Variants in LRIG1 observed in about 807,000 individuals in gnomAD.
LRIG1 encodes the protein leucine rich repeats and immunoglobulin like domains 1, also known as leucine-rich repeats and immunoglobulin-like domains protein 1.
Under a neutral mutation model 99.2 loss-of-function variants are expected in LRIG1, and 48 were observed. That is an observed-to-expected ratio of 0.48 (90% CI 0.38 to 0.62). The LOEUF (loss-of-function observed/expected upper bound fraction) is 0.62. Among genes scored for constraint, LRIG1 ranks in the 20% least tolerant of loss-of-function variants. The probability of loss-of-function intolerance (pLI) is 0.00; values close to 1 mark genes in which losing one functional copy is unlikely to be tolerated. For synonymous variants in LRIG1, 772 were observed against 596.1 expected (o/e 1.29, Z -4.30); for missense variants, 1,646 against 1,434.4 (o/e 1.15, Z -2.38).
intron 3 of LRIG1, among the ~76,000 whole-genome samples, chr3:66,448,499 C>T (rs1021570728): frequency 2.0e-5 from 3 of 152,152 alleles, no homozygotes; most frequent in African/African-American, 7.2e-5. Context: ...ATTATTGCCC[C>T]TACTCTCAAC....
At chr3:66,383,514 T>G in intron 14 of LRIG1, 113 bp from the exon 15 acceptor site, 1 of 954,078 alleles carries the variant, frequency 1.0e-6, no homozygotes, top group Non-Finnish European at 1.5e-6. Context: ...CATCTGAGAT[T>G]CTGTCTCAGA....
intron 1 of LRIG1, among the ~76,000 whole-genome samples, chr3:66,467,005 T>C (rs574501922): frequency 6.6e-5 from 10 of 152,246 alleles, no homozygotes; most frequent in Admixed American, 5.2e-4. Context: ...AGCCCAGCAA[T>C]AGATGTTCTT....
chr3:66,476,981 G>A (rs73836304), intron 1 of LRIG1, among the ~76,000 whole-genome samples: 1 of 152,168 alleles, frequency 6.6e-6, no homozygotes, highest in Non-Finnish European at 1.5e-5. Flanking sequence ...GGTCTGTGAG[G>A]AGCAGGCATT....
intron 1 of LRIG1, among the ~76,000 whole-genome samples, chr3:66,465,357 A>ATTTTTTTTTTTTTTTTTTTTTTTTTTTT (rs59148647): frequency 3.0e-5 from 2 of 67,728 alleles, no homozygotes; most frequent in Non-Finnish European, 3.0e-5. Flanking sequence ...TCTGAGCATA[A>ATTTTTTTTTTTTTTTTTTTTTTTTTTTT]TTTTTTTTTT....
intron 2 of LRIG1, among the ~76,000 whole-genome samples, chr3:66,457,708 G>A (rs11717516): frequency 0.33 from 50,928 of 152,102 alleles, 10,119 homozygotes; most frequent in Middle Eastern, 0.47. Flanking sequence ...CAGGACCCTA[G>A]TAAGGGGCAG....
intron 1 of LRIG1, among the ~76,000 whole-genome samples, chr3:66,492,378 C>T (rs1701120510): frequency 1.3e-5 from 2 of 152,130 alleles, no homozygotes; most frequent in African/African-American, 4.8e-5. Context: ...CTGTTAAATG[C>T]TGCATAAAGG....
chr3:66,443,179 T>C (rs1316766334), intron 3 of LRIG1, among the ~76,000 whole-genome samples: 2 of 152,028 alleles, frequency 1.3e-5, no homozygotes, highest in African/African-American at 2.4e-5. Flanking sequence ...ATTTTCTATT[T>C]TGAGGCTCCT....
chr3:66,379,631 G>C lies in LRIG1; in HGVS notation c.*632C>G, dbSNP rs1472808100. 6.6e-6 allele frequency: 1 copy of C among 152,200 alleles called. No homozygotes were observed. The allele number at this position is 152,200 out of a possible 1,614,324, so 9.4% of individuals were successfully genotyped here. On this transcript the variant is annotated 3_prime_UTR_variant, in exon 19 of 19. Coordinates refer to ENST00000273261, the MANE Select transcript of LRIG1 (RefSeq NM_015541.3). ...AGACAGACAGGACTTAAACCTAAAA[G>C]GAAAAGCCATTCACTGCAAGTGTGG...
chr3:66,495,472 T>C (rs1701205072), intron 1 of LRIG1, among the ~76,000 whole-genome samples: 1 of 152,198 alleles, frequency 6.6e-6, no homozygotes, highest in South Asian at 2.1e-4. Context: ...TCAAAAGGAA[T>C]TGAAAGTTAG....
Position 66,380,214 on chromosome 3 carries a change from C to G in LRIG1, c.*49G>C. ...CAAGCTTCCTCGCAGCCTCTCCTAC[C>G]TCTCTTTCCCGTAGAGATTGGTATG... On this transcript the variant is annotated 3_prime_UTR_variant, in exon 19 of 19. Transcript: ENST00000273261. The G allele has an allele frequency of 6.6e-7, 1 of 1,503,972 alleles. No individual in the cohort carries two copies. 93.2% of individuals were successfully genotyped at this position (1,503,972 alleles called of 1,614,324 possible).
At chr3:66,434,500 AC>A (rs1250307921) in intron 3 of LRIG1, among the ~76,000 whole-genome samples, 2 of 152,182 alleles carry the variant, frequency 1.3e-5, no homozygotes, top group Non-Finnish European at 2.9e-5. Context: ...TAATCCCAGT[AC>A]TTTGGGAGGC....
In LRIG1 at chr3:66,405,622, A is replaced by G. The variant is rs1702239406; in HGVS notation, c.1080-344T>C. 4.0e-6 allele frequency: 3 copies of G among 747,280 alleles called. No homozygotes were observed. The Admixed American group carries it at 1.1e-4, about 28-fold the overall frequency. 46.3% of individuals were successfully genotyped at this position (747,280 alleles called of 1,614,324 possible). On this transcript the variant is annotated intron_variant, in intron 8 of 18. Coordinates refer to ENST00000273261, the MANE Select transcript of LRIG1 (RefSeq NM_015541.3). ...GGCCCCAGCACTGAGAATCAACCCA[A>G]AAGGTTCCTTAAGGCTCCCGTCTGC...
chr3:66,398,065 A>G (rs1367884074), intron 11 of LRIG1, 47 bp downstream of exon 11: 1 of 1,434,674 alleles, frequency 7.0e-7, no homozygotes, highest in Admixed American at 1.8e-5. Flanking sequence ...TCTTACTCTG[A>G]AAGTCTCCAC....
chr3:66,437,258 C>CT, intron 3 of LRIG1, among the ~76,000 whole-genome samples: 1 of 152,324 alleles, frequency 6.6e-6, no homozygotes, highest in South Asian at 2.1e-4. Context: ...TGGGAGAGCC[C>CT]TTTTTTGACA....
intron 1 of LRIG1, among the ~76,000 whole-genome samples, chr3:66,499,567 T>TC (rs1282256746): frequency 6.6e-6 from 1 of 151,996 alleles, no homozygotes; most frequent in African/African-American, 2.4e-5. Context: ...GCCCTCTAAC[T>TC]CAGGGGTCCT....
intron 1 of LRIG1, 64 bp from the exon 2 acceptor site, chr3:66,462,573 A>T: frequency 8.8e-7 from 1 of 1,131,754 alleles, no homozygotes; most frequent in South Asian, 1.3e-5. Flanking sequence ...AGAATTCAGA[A>T]ATCTTCTCTT....
chr3:66,386,413 G>C, intron 12 of LRIG1, 112 bp from the exon 13 acceptor site: 1 of 893,962 alleles, frequency 1.1e-6, no homozygotes, highest in South Asian at 1.6e-5. Flanking sequence ...ACCAGAGCTT[G>C]AGGTCCCTGT....
intron 3 of LRIG1, among the ~76,000 whole-genome samples, chr3:66,425,201 C>A (rs1208139924): frequency 6.6e-6 from 1 of 152,194 alleles, no homozygotes; most frequent in Non-Finnish European, 1.5e-5. Flanking sequence ...CCGAGAGGCT[C>A]TCCTGGCAGA....
rs1314365092 is a variant in LRIG1 at position 66,380,221 on chromosome 3, T to C, written c.*42A>G. On this transcript the variant is annotated 3_prime_UTR_variant, in exon 19 of 19. Transcript: ENST00000273261. ...CCTCGCAGCCTCTCCTACCTCTCTT[T>C]CCCGTAGAGATTGGTATGACAAGAA... The C allele has an allele frequency of 1.3e-6, 2 of 1,539,122 alleles. No individual in the cohort carries two copies. The highest frequency in any genetic ancestry group is 2.4e-5 in the South Asian group (2 of 82,336).
Sources: gnomAD v4.1 joint callset for allele counts (sites outside exome capture counted in the v4.1 genomes callset) on GRCh38, gnomAD v4.1.1 for gene constraint, MANE v1.5 for transcripts, NCBI Gene and HGNC (gene_info 2026-07-23, HGNC 2026-07-21) for gene names.